Variants in PRSS37 observed in about 807,000 individuals in gnomAD.
The protein encoded by PRSS37 is probable inactive serine protease 37.
PRSS37 carries 25 observed loss-of-function variants against 28.0 expected under a neutral mutation model. That is an observed-to-expected ratio of 0.89 (90% CI 0.65 to 1.25). The LOEUF (loss-of-function observed/expected upper bound fraction) is 1.25, where lower values mean the gene tolerates loss of function less well. PRSS37 is among the 50% of genes most tolerant of loss of function. The probability of loss-of-function intolerance (pLI) is 0.00; values close to 1 mark genes in which losing one functional copy is unlikely to be tolerated. For missense variants in PRSS37, 282 were observed against 292.2 expected, an observed-to-expected ratio of 0.97 and a Z score of 0.25; for synonymous variants, 109 against 107.8, an observed-to-expected ratio of 1.01 and a Z score of -0.07.
chr7:141,837,456 A>G, intron 3 of PRSS37: 3 of 1,085,428 alleles, frequency 2.8e-6, no homozygotes, highest in Non-Finnish European at 3.9e-6. Flanking sequence ...AAGGTAGAGT[A>G]TATTTTTAAT....
intron 2 of PRSS37, chr7:141,838,941 T>A: frequency 2.2e-6 from 1 of 458,206 alleles, no homozygotes; most frequent in South Asian, 1.6e-5. Context: ...CTCACCTCAA[T>A]TGACCCAATT....
In PRSS37 at chr7:141,839,310, T is replaced by G. The variant is rs201862464; in HGVS notation, c.176+28A>C. 5 of 1,611,658 alleles carry G rather than the reference T, an allele frequency of 3.1e-6. No homozygotes were observed. The East Asian group carries it at 1.1e-4, about 36-fold the overall frequency. On this transcript the variant is annotated intron_variant, in intron 2 of 4. Transcript: ENST00000350549. ...GATCTAGAATGAACAGTAGCTGTTT[T>G]GGGGATGGGGATGCCCAAATACTCA...
At chr7:141,840,260 C>T (rs149335193) in intron 1 of PRSS37, among the ~76,000 whole-genome samples, 2 of 152,036 alleles carry the variant, frequency 1.3e-5, no homozygotes, top group South Asian at 2.1e-4. Flanking sequence ...TTATTTAAAA[C>T]ATACCCTAGA....
intron 3 of PRSS37, 178 bp downstream of exon 3, chr7:141,837,682 G>A: frequency 6.5e-7 from 1 of 1,529,954 alleles, no homozygotes; most frequent in Non-Finnish European, 8.8e-7. Flanking sequence ...AGACACCCTG[G>A]GAAAGGAGGA....
At position 141,837,149 on chromosome 7, in the gene PRSS37, C is replaced by A. The variant is rs778187691; in HGVS notation, c.530G>T (p.Cys177Phe). 5.0e-6 allele frequency: 8 copies of A among 1,613,310 alleles called. No individual in the cohort carries two copies. The highest frequency in any genetic ancestry group is 6.8e-6 in the Non-Finnish European group (8 of 1,179,802). Reference sequence around the variant, plus strand: ...GCTGAATACTTTCACAAATTTCACACATAAGGAATTCCTGTGGCTTTTTCC... The same window carrying A: ...GCTGAATACTTTCACAAATTTCACAAATAAGGAATTCCTGTGGCTTTTTCC... ...EQGKSHRNSLCVKFVKVFSRI... is the reference protein window; with the variant it reads ...EQGKSHRNSLFVKFVKVFSRI... Residue 177 changes from cysteine to phenylalanine, a missense_variant, in exon 4 of 5, where the codon TGT (cysteine) becomes TTT (phenylalanine). Coordinates refer to ENST00000350549, the MANE Select transcript of PRSS37 (RefSeq NM_001008270.3).
chr7:141,836,492 C>G lies in PRSS37; in HGVS notation c.611G>C (p.Gly204Ala), dbSNP rs772366405. The G allele has an allele frequency of 2.5e-6, 4 of 1,613,950 alleles. No homozygotes were observed. In the African/African-American group the frequency reaches 5.3e-5, roughly 22 times the overall value. Residue 204 changes from glycine to alanine, a missense_variant, in exon 5 of 5, where the codon GGA (glycine) becomes GCA (alanine). By Grantham distance (60) the Gly-to-Ala change is moderately conservative. Transcript: ENST00000350549. ...TCCCATGAAGTGCCCCACCTCGATTCCCTGGAGCTTGTCTTTGCAGATGAC... is the reference window on the plus strand; with the variant it reads ...TCCCATGAAGTGCCCCACCTCGATTGCCTGGAGCTTGTCTTTGCAGATGAC... ...ATVICKDKLQ[G>A]IEVGHFMGGD...
intron 4 of PRSS37, 92 bp from the exon 5 acceptor site, chr7:141,836,627 T>C: frequency 7.1e-7 from 1 of 1,400,642 alleles, no homozygotes; most frequent in African/African-American, 1.4e-5. Context: ...GGGTGAGCCC[T>C]GTCTGCAGGC....
chr7:141,839,663 TATA>T (rs1169853399), intron 1 of PRSS37, among the ~76,000 whole-genome samples, 184 bp from the exon 2 acceptor site: 158 of 152,280 alleles, frequency 1.0e-3, no homozygotes, highest in Non-Finnish European at 1.9e-4. Flanking sequence ...ATCTTATATT[TATA>T]ATAATTTTGT....
intron 2 of PRSS37, chr7:141,839,124 G>C (rs906766362): frequency 1.4e-5 from 9 of 642,286 alleles, no homozygotes; most frequent in Non-Finnish European, 2.2e-5. Flanking sequence ...TCTTTATTGT[G>C]GGGACTGTGC....
At chr7:141,839,253 T>A in intron 2 of PRSS37, 85 bp downstream of exon 2, 1 of 1,394,546 alleles carries the variant, frequency 7.2e-7, no homozygotes, top group Non-Finnish European at 1.0e-6. Flanking sequence ...AAGTGTACCC[T>A]GTAGAGAAGT....
intron 1 of PRSS37, 85 bp from the exon 2 acceptor site, chr7:141,839,564 T>C (rs1801091202): frequency 1.8e-6 from 2 of 1,106,338 alleles, no homozygotes; most frequent in South Asian, 1.5e-5. Flanking sequence ...TCTGGATGAT[T>C]CTTAAACAGT....
At chr7:141,840,674 A>T (rs1385904091) in intron 1 of PRSS37, among the ~76,000 whole-genome samples, 2 of 152,244 alleles carry the variant, frequency 1.3e-5, no homozygotes, top group African/African-American at 4.8e-5. Context: ...TGCTGTCAGA[A>T]GAACCCCATG....
In PRSS37 at chr7:141,836,339, A is replaced by G; in HGVS notation, c.*56T>C. 6.5e-7 allele frequency: 1 copy of G among 1,549,156 alleles called. No homozygotes were observed. The highest frequency in any genetic ancestry group is 8.8e-7 in the Non-Finnish European group (1 of 1,138,946). ...TTTTATTTTGAATAGAGGGAAAATTATCTGCTTGTATAGTCCATGGCAGAG... is the reference window on the plus strand; with the variant it reads ...TTTTATTTTGAATAGAGGGAAAATTGTCTGCTTGTATAGTCCATGGCAGAG... On this transcript the variant is annotated 3_prime_UTR_variant, in exon 5 of 5. Transcript: ENST00000350549.
Position 141,838,023 on chromosome 7 carries a change from C to A in PRSS37, c.267G>T (p.Trp89Cys), listed in dbSNP as rs1240402556. ...CCTGTGGGGCGCTATGACTGTAGTT[C>A]CAGTAGCGGACGATCTGAATGGGGT... ...TINPIQIVRY[W>C]NYSHSAPQDD... Residue 89 changes from tryptophan (W) to cysteine (C), a missense_variant, in exon 3 of 5, where the codon TGG (tryptophan) becomes TGT (cysteine). Trp to Cys is a radical substitution (Grantham distance 215). Coordinates refer to ENST00000350549, the MANE Select transcript of PRSS37 (RefSeq NM_001008270.3). 3.1e-6 allele frequency: 5 copies of A among 1,614,126 alleles called. No homozygotes were observed. Among genetic ancestry groups the A allele is most frequent in the Non-Finnish European group, 4.2e-6 (5 of 1,180,026 alleles).
intron 2 of PRSS37, chr7:141,838,612 T>G: frequency 7.3e-5 from 20 of 275,376 alleles, no homozygotes; most frequent in Non-Finnish European, 1.2e-4. Flanking sequence ...TATTGGCCAA[T>G]AGGAAGCACC....
At chr7:141,837,381 GAA>G in intron 3 of PRSS37, 133 bp from the exon 4 acceptor site, 1 of 1,195,552 alleles carries the variant, frequency 8.4e-7, no homozygotes, top group Non-Finnish European at 1.2e-6. Context: ...ACAAAGGAGA[GAA>G]ATCATCAAGA....
Position 141,836,500 on chromosome 7 carries a change from C to A in PRSS37, c.603G>T (p.Lys201Asn). 6.2e-7 allele frequency: 1 copy of A among 1,614,084 alleles called. No individual in the cohort carries two copies. Among genetic ancestry groups the A allele is most frequent in the Non-Finnish European group, 8.5e-7 (1 of 1,179,994 alleles). The change falls in exon 5 of 5, where the codon AAG (lysine) becomes AAT (asparagine). Residue 201 changes from lysine (K) to asparagine (N), a missense_variant. Physicochemically the swap from Lys to Asn is moderately conservative, Grantham distance 94. Coordinates refer to ENST00000350549, the MANE Select transcript of PRSS37 (RefSeq NM_001008270.3). The stretch of plus-strand genomic sequence containing the variant: ...AGTGCCCCACCTCGATTCCCTGGAG[C>A]TTGTCTTTGCAGATGACAGTAGCAA... ...VAVATVICKD[K>N]LQGIEVGHFM...
intron 2 of PRSS37, 35 bp downstream of exon 2, chr7:141,839,303 G>A: frequency 6.2e-7 from 1 of 1,607,576 alleles, no homozygotes; most frequent in Non-Finnish European, 8.5e-7. Flanking sequence ...ATGAACAGTA[G>A]CTGTTTTGGG....
In PRSS37 at chr7:141,838,025, A is replaced by G; in HGVS notation, c.265T>C (p.Trp89Arg). The G allele has an allele frequency of 6.2e-7, 1 of 1,614,182 alleles. No homozygotes were observed. The highest frequency in any genetic ancestry group is 8.5e-7 in the Non-Finnish European group (1 of 1,180,022). The part of the protein sequence containing the change: ...TINPIQIVRY[W>R]NYSHSAPQDD... ...TGTGGGGCGCTATGACTGTAGTTCC[A>G]GTAGCGGACGATCTGAATGGGGTTA... The change falls in exon 3 of 5, where the codon TGG (tryptophan) becomes CGG (arginine). Residue 89 changes from tryptophan to arginine, a missense_variant. Coordinates refer to ENST00000350549, the MANE Select transcript of PRSS37 (RefSeq NM_001008270.3).
Sources: allele counts gnomAD v4.1 joint callset (sites outside exome capture counted in the v4.1 genomes callset), GRCh38; gene constraint gnomAD v4.1.1; transcripts MANE v1.5; gene names NCBI Gene and HGNC (gene_info 2026-07-23, HGNC 2026-07-21).